Variants in HHAT observed in about 807,000 individuals in gnomAD.
HHAT encodes the protein protein-cysteine N-palmitoyltransferase HHAT.
HHAT carries 47 observed loss-of-function variants against 70.8 expected under a neutral mutation model. That is an observed-to-expected ratio of 0.66 (90% CI 0.53 to 0.85). HHAT has a LOEUF of 0.85. Ranked by LOEUF, HHAT falls within the 40% of genes least tolerant of loss-of-function variation. HHAT has a pLI of 0.00. For missense variants in HHAT, 609 were observed against 604.8 expected (o/e 1.01, Z -0.07); for synonymous variants, 228 against 247.6 (o/e 0.92, Z 0.74).
intron 3 of HHAT, among the ~76,000 whole-genome samples, chr1:210,376,932 G>T (rs1400646400): frequency 6.6e-6 from 1 of 152,146 alleles, no homozygotes; most frequent in African/African-American, 2.4e-5. Flanking sequence ...TCTTTAATTG[G>T]CCTTCTGCCC....
At chr1:210,512,502 C>G (rs993936952) in intron 8 of HHAT, among the ~76,000 whole-genome samples, 11 of 151,448 alleles carry the variant, frequency 7.3e-5, no homozygotes, top group African/African-American at 2.7e-4. Context: ...TAGACTATGT[C>G]TCTACTAAAA....
intron 10 of HHAT, among the ~76,000 whole-genome samples, chr1:210,612,370 G>T (rs1469746460): frequency 6.6e-6 from 1 of 152,032 alleles, no homozygotes; most frequent in Non-Finnish European, 1.5e-5. Flanking sequence ...ATATTTGACT[G>T]TTTTAGGTAT....
At chr1:210,499,644 C>CT (rs2094716592) in intron 8 of HHAT, among the ~76,000 whole-genome samples, 12 of 148,556 alleles carry the variant, frequency 8.1e-5, no homozygotes, top group Non-Finnish European at 1.3e-4. Flanking sequence ...CTTTCTCTCT[C>CT]AAAAAAAAAA....
chr1:210,336,137 G>A (rs933592205), intron 1 of HHAT, among the ~76,000 whole-genome samples: 1 of 147,252 alleles, frequency 6.8e-6, no homozygotes, highest in African/African-American at 2.6e-5. Flanking sequence ...TTTGTTTTTT[G>A]GAGACAGGAT....
chr1:210,451,611 C>A, intron 7 of HHAT, among the ~76,000 whole-genome samples: 1 of 152,120 alleles, frequency 6.6e-6, no homozygotes, highest in Non-Finnish European at 1.5e-5. Context: ...CAGGGTTTCA[C>A]CCTGTTACCT....
chr1:210,611,044 G>A (rs1448087050), intron 10 of HHAT, among the ~76,000 whole-genome samples: 3 of 152,214 alleles, frequency 2.0e-5, no homozygotes, highest in South Asian at 4.1e-4. Flanking sequence ...TTCTAATTCT[G>A]TGAATGATGT....
rs1553266974 is a variant in HHAT at position 210,549,124 on chromosome 1, T to TGCTTTCCCCCTTCATTATTC, written c.1043+35936_1043+35937insGCTTTCCCCCTTCATTATTC. Among the ~76,000 whole-genome samples, 87 of 150,628 alleles carry TGCTTTCCCCCTTCATTATTC rather than the reference T, an allele frequency of 5.8e-4. 2 individuals carry two copies. Among genetic ancestry groups the TGCTTTCCCCCTTCATTATTC allele is most frequent in the East Asian group, 3.0e-3 (14 of 4,690 alleles). On this transcript the variant is annotated intron_variant, in intron 9 of 11. Coordinates refer to ENST00000261458, the MANE Select transcript of HHAT (RefSeq NM_018194.6). ...AGTTTGCTCACCTGTAAAATTGGGA[T>TGCTTTCCCCCTTCATTATTC]AATAACGGCATTTACCTTGTAGGGT...
chr1:210,429,995 C>A (rs570498494), intron 7 of HHAT, among the ~76,000 whole-genome samples: 1 of 151,980 alleles, frequency 6.6e-6, no homozygotes, highest in South Asian at 2.1e-4. Flanking sequence ...GAGCTGAATA[C>A]AGTTTATCAT....
At chr1:210,455,017 A>C (rs2093833913) in intron 7 of HHAT, among the ~76,000 whole-genome samples, 1 of 152,166 alleles carries the variant, frequency 6.6e-6, no homozygotes, top group South Asian at 2.1e-4. Flanking sequence ...TCTACAGATC[A>C]CTGGCTCCTC....
chr1:210,432,220 G>A (rs1020178976), intron 7 of HHAT, among the ~76,000 whole-genome samples: 1 of 151,768 alleles, frequency 6.6e-6, no homozygotes, highest in Non-Finnish European at 1.5e-5. Flanking sequence ...GAGGCCACAG[G>A]AGTAAAAGGA....
At chr1:210,546,524 G>A (rs1456684826) in intron 9 of HHAT, among the ~76,000 whole-genome samples, 1 of 152,218 alleles carries the variant, frequency 6.6e-6, no homozygotes, top group Non-Finnish European at 1.5e-5. Flanking sequence ...GGCTGGGATG[G>A]TTAGGTCCAC....
intron 8 of HHAT, among the ~76,000 whole-genome samples, chr1:210,508,489 T>C (rs1043269642): frequency 1.3e-5 from 2 of 148,148 alleles, no homozygotes; most frequent in Non-Finnish European, 3.0e-5. Flanking sequence ...TTTATAGTTT[T>C]AAATATGTTT....
At chr1:210,402,810 T>C (rs1455614405) in intron 5 of HHAT, among the ~76,000 whole-genome samples, 2 of 152,224 alleles carry the variant, frequency 1.3e-5, no homozygotes, top group African/African-American at 4.8e-5. Flanking sequence ...CAGTCACTCA[T>C]TCATTGATCC....
In HHAT at chr1:210,532,230, G is replaced by A. The variant is rs536876049; in HGVS notation, c.1043+19042G>A. Reference sequence around the variant, plus strand: ...TTTGAACATTTTAATCAATTTTTAAGCAAAATAATGAACTGGAAAACATTT... The same window carrying A: ...TTTGAACATTTTAATCAATTTTTAAACAAAATAATGAACTGGAAAACATTT... On this transcript the variant is annotated intron_variant, in intron 9 of 11. Transcript: ENST00000261458. Among the ~76,000 whole-genome samples, 4 of 152,268 alleles carry A rather than the reference G, an allele frequency of 2.6e-5. No homozygotes were observed. In the South Asian group the frequency reaches 6.2e-4, roughly 24 times the overall value.
chr1:210,498,526 C>T (rs1386897976), intron 8 of HHAT, among the ~76,000 whole-genome samples: 2 of 152,150 alleles, frequency 1.3e-5, no homozygotes, highest in Non-Finnish European at 2.9e-5. Flanking sequence ...TATGTTCTCA[C>T]CTGTGCATAT....
At chr1:210,547,158 C>T (rs1429061534) in intron 9 of HHAT, among the ~76,000 whole-genome samples, 1 of 152,024 alleles carries the variant, frequency 6.6e-6, no homozygotes, top group African/African-American at 2.4e-5. Context: ...GGTGGAACCC[C>T]GTTGCTACTA....
chr1:210,599,772 TCCATAAAAACCTAA>T (rs2148817410), intron 10 of HHAT, among the ~76,000 whole-genome samples: 1 of 152,272 alleles, frequency 6.6e-6, no homozygotes, highest in South Asian at 2.1e-4. Context: ...GTGATATTTC[TCCATAAAAACCTAA>T]CCATGTTGCT....
At chr1:210,630,446 A>G (rs1392147095) in intron 11 of HHAT, among the ~76,000 whole-genome samples, 4 of 152,206 alleles carry the variant, frequency 2.6e-5, no homozygotes, top group Non-Finnish European at 5.9e-5. Flanking sequence ...ATGTGCCACT[A>G]GCCTCCTTAA....
At chr1:210,391,525 AT>A (rs2148160000) in intron 4 of HHAT, among the ~76,000 whole-genome samples, 1 of 152,360 alleles carries the variant, frequency 6.6e-6, no homozygotes, top group East Asian at 1.9e-4. Flanking sequence ...CTGACAAAGG[AT>A]TGGCATATGG....
Sources: allele counts gnomAD v4.1 joint callset (sites outside exome capture counted in the v4.1 genomes callset), GRCh38; gene constraint gnomAD v4.1.1; transcripts MANE v1.5; gene names NCBI Gene and HGNC (gene_info 2026-07-23, HGNC 2026-07-21).